Variants in CPQ observed in about 807,000 individuals in gnomAD.
The protein encoded by CPQ is Ser-Met dipeptidase.
CPQ carries 37 observed loss-of-function variants against 45.7 expected under a neutral mutation model. That is an observed-to-expected ratio of 0.81 (90% confidence interval 0.62 to 1.07). The LOEUF is 1.07. Among genes scored for constraint, CPQ ranks in the 50% least tolerant of loss-of-function variants. The pLI, the probability that CPQ is intolerant of heterozygous loss-of-function variation, is 0.00. For missense variants in CPQ, 537 were observed against 572.9 expected (o/e 0.94, Z 0.64); for synonymous variants, 186 against 205.8 (o/e 0.90, Z 0.82).
chr8:96,676,982 A>G (rs1387587917), intron 1 of CPQ, among the ~76,000 whole-genome samples: 1 of 151,932 alleles, frequency 6.6e-6, no homozygotes, highest in Non-Finnish European at 1.5e-5. Context: ...AGCTCCATCT[A>G]ACTTGCTGCA....
intron 1 of CPQ, among the ~76,000 whole-genome samples, chr8:96,778,283 C>G (rs1810643050): frequency 1.4e-5 from 2 of 147,172 alleles, no homozygotes; most frequent in South Asian, 4.2e-4. Context: ...TAGTAATATT[C>G]TACTATTTAT....
At chr8:96,841,726 G>A (rs1231999696) in intron 3 of CPQ, among the ~76,000 whole-genome samples, 1 of 152,214 alleles carries the variant, frequency 6.6e-6, no homozygotes, top group Non-Finnish European at 1.5e-5. Context: ...GTATAGTGAA[G>A]AGGAGGAGGA....
At chr8:97,089,728 A>C (rs1811100225) in intron 7 of CPQ, among the ~76,000 whole-genome samples, 1 of 152,116 alleles carries the variant, frequency 6.6e-6, no homozygotes, top group Non-Finnish European at 1.5e-5. Context: ...ATTGAACTCA[A>C]CCTAGGATGG....
At chr8:96,953,291 G>T (rs1013462021) in intron 4 of CPQ, among the ~76,000 whole-genome samples, 1 of 152,034 alleles carries the variant, frequency 6.6e-6, no homozygotes, top group African/African-American at 2.4e-5. Context: ...TACCTGGCAG[G>T]TGTTCCTTGC....
chr8:97,030,473 T>C (rs1392524868), intron 6 of CPQ, among the ~76,000 whole-genome samples: 1 of 152,176 alleles, frequency 6.6e-6, no homozygotes, highest in Non-Finnish European at 1.5e-5. Flanking sequence ...TTATTTACTG[T>C]ACAAAGGACA....
At chr8:96,688,596 C>T (rs1022906167) in intron 1 of CPQ, among the ~76,000 whole-genome samples, 2 of 152,144 alleles carry the variant, frequency 1.3e-5, no homozygotes, top group African/African-American at 4.8e-5. Flanking sequence ...ATGTGACTCT[C>T]TATTTCCTAC....
At chr8:96,780,437 G>A (rs573843048) in intron 1 of CPQ, among the ~76,000 whole-genome samples, 9 of 152,262 alleles carry the variant, frequency 5.9e-5, no homozygotes, top group African/African-American at 2.2e-4. Flanking sequence ...GAAGAACAGC[G>A]TGAAGTTCAA....
chr8:96,875,340 A>G (rs1812131260), intron 3 of CPQ, among the ~76,000 whole-genome samples: 4 of 151,822 alleles, frequency 2.6e-5, no homozygotes, highest in Admixed American at 1.3e-4. Flanking sequence ...GGTTCCATTT[A>G]TCTATTTTTT....
intron 1 of CPQ, among the ~76,000 whole-genome samples, chr8:96,750,981 G>A (rs1001194769): frequency 2.0e-5 from 3 of 151,992 alleles, no homozygotes; most frequent in African/African-American, 7.3e-5. Context: ...CCTTTTTATG[G>A]TTGCATAGTA....
intron 4 of CPQ, among the ~76,000 whole-genome samples, chr8:96,883,878 G>T (rs185616706): frequency 6.6e-6 from 1 of 151,902 alleles, no homozygotes; most frequent in Admixed American, 6.6e-5. Flanking sequence ...CCTTTTTCCC[G>T]CCCTAATGGC....
chr8:96,875,777 A>G (rs1812137123), intron 3 of CPQ, among the ~76,000 whole-genome samples: 1 of 151,736 alleles, frequency 6.6e-6, no homozygotes, highest in Non-Finnish European at 1.5e-5. Context: ...TGTTTTGTTT[A>G]TTTTGAATGA....
chr8:96,924,603 A>G (rs1352627938), intron 4 of CPQ, among the ~76,000 whole-genome samples: 2 of 152,104 alleles, frequency 1.3e-5, no homozygotes, highest in Non-Finnish European at 1.5e-5. Context: ...TGCTTTTATC[A>G]CCCATTCACT....
chr8:96,687,462 G>A (rs538132452), intron 1 of CPQ, among the ~76,000 whole-genome samples: 3 of 152,072 alleles, frequency 2.0e-5, no homozygotes, highest in Non-Finnish European at 4.4e-5. Flanking sequence ...GCCTGCCTCG[G>A]CCTCCCAAAG....
chr8:96,841,763 C>T (rs1193392636), intron 3 of CPQ, among the ~76,000 whole-genome samples: 1 of 152,078 alleles, frequency 6.6e-6, no homozygotes, highest in East Asian at 1.9e-4. Flanking sequence ...TTGAAGATGA[C>T]TAAGAGCTGA....
chr8:96,973,931 C>G (rs958139081), intron 5 of CPQ, among the ~76,000 whole-genome samples: 6 of 152,140 alleles, frequency 3.9e-5, no homozygotes, highest in Non-Finnish European at 8.8e-5. Flanking sequence ...AAGCATAAAT[C>G]TCACAGAAAC....
intron 3 of CPQ, among the ~76,000 whole-genome samples, chr8:96,857,030 G>T (rs1228392381): frequency 2.6e-5 from 4 of 152,166 alleles, no homozygotes; most frequent in Non-Finnish European, 5.9e-5. Context: ...GAAATTGTCC[G>T]AGTCTCTCCT....
intron 1 of CPQ, among the ~76,000 whole-genome samples, chr8:96,781,003 C>G (rs1446490035): frequency 6.6e-6 from 1 of 152,084 alleles, no homozygotes; most frequent in Non-Finnish European, 1.5e-5. Context: ...TTTAAAGGCT[C>G]TGCATGCTGG....
At chr8:97,009,618 G>T (rs1272107367) in intron 5 of CPQ, among the ~76,000 whole-genome samples, 1 of 152,146 alleles carries the variant, frequency 6.6e-6, no homozygotes, top group Non-Finnish European at 1.5e-5. Flanking sequence ...AGACATACAG[G>T]TTGCCCTCTG....
At chr8:96,832,400 A>C (rs1811470993) in intron 2 of CPQ, among the ~76,000 whole-genome samples, 1 of 152,182 alleles carries the variant, frequency 6.6e-6, no homozygotes, top group African/African-American at 2.4e-5. Context: ...TCCAGTCAGC[A>C]GTCTCTTATT....
Sources: allele counts gnomAD v4.1 joint callset (sites outside exome capture counted in the v4.1 genomes callset), GRCh38; gene constraint gnomAD v4.1.1; transcripts MANE v1.5; gene names NCBI Gene and HGNC (gene_info 2026-07-23, HGNC 2026-07-21).